The following DLGAP1 variants were observed in gnomAD, a reference collection of about 807,000 sequenced individuals.
DLGAP1 encodes DLG associated protein 1, also known as disks large-associated protein 1.
Under a neutral mutation model 90.8 loss-of-function variants are expected in DLGAP1, and 11 were observed. That is an observed-to-expected ratio of 0.12 (90% CI 0.08 to 0.20). The LOEUF (loss-of-function observed/expected upper bound fraction) is 0.20. Among genes scored for constraint, DLGAP1 ranks in the 10% least tolerant of loss-of-function variants. DLGAP1 has a pLI of 1.00. For missense variants in DLGAP1, 1,050 were observed against 1,333.8 expected (o/e 0.79, Z 3.31); for synonymous variants, 558 against 540.7 (o/e 1.03, Z -0.44).
At chr18:3,917,153 G>A (rs1253590447) in intron 3 of DLGAP1, among the ~76,000 whole-genome samples, 1 of 152,164 alleles carries the variant, frequency 6.6e-6, no homozygotes, top group Non-Finnish European at 1.5e-5. Flanking sequence ...GCTAAGCTAC[G>A]GTGTTTGGTA....
intron 7 of DLGAP1, chr18:3,594,506 G>T (rs895642669): frequency 6.6e-6 from 1 of 152,148 alleles, no homozygotes; most frequent in Non-Finnish European, 1.5e-5. Flanking sequence ...TTTGGAAGGG[G>T]TGGAGGTCTT....
chr18:3,724,536 G>A (rs528926975), intron 7 of DLGAP1, among the ~76,000 whole-genome samples: 49 of 152,198 alleles, frequency 3.2e-4, no homozygotes, highest in African/African-American at 1.2e-3. Flanking sequence ...TGGAGCCCAG[G>A]AGTTTGAGAC....
chr18:3,897,813 A>C (rs1599129690), intron 3 of DLGAP1, among the ~76,000 whole-genome samples: 1 of 105,678 alleles, frequency 9.5e-6, no homozygotes, highest in South Asian at 3.3e-4. Flanking sequence ...TTTGAGACGG[A>C]GTCTCGCTCT....
chr18:4,437,951 T>C (rs1386854965), intron 1 of DLGAP1, among the ~76,000 whole-genome samples: 1 of 152,218 alleles, frequency 6.6e-6, no homozygotes, highest in Non-Finnish European at 1.5e-5. Context: ...TTGCTTCTTA[T>C]AATCTCTGAA....
chr18:4,167,034 T>C (rs2076944809), intron 1 of DLGAP1, among the ~76,000 whole-genome samples: 4 of 152,316 alleles, frequency 2.6e-5, no homozygotes, highest in South Asian at 2.1e-4. Context: ...CCTTACATTA[T>C]GTATATTTTA....
At chr18:4,346,050 G>A (rs2081297829) in intron 1 of DLGAP1, among the ~76,000 whole-genome samples, 3 of 152,160 alleles carry the variant, frequency 2.0e-5, no homozygotes, top group Admixed American at 2.0e-4. Context: ...CACTCACGAT[G>A]TGCTGAAATG....
intron 3 of DLGAP1, among the ~76,000 whole-genome samples, chr18:3,940,805 CTT>C (rs1054845092): frequency 1.3e-5 from 2 of 152,158 alleles, no homozygotes; most frequent in Non-Finnish European, 2.9e-5. Context: ...ACTTTGAAAC[CTT>C]TTCTCTTTCC....
intron 1 of DLGAP1, among the ~76,000 whole-genome samples, chr18:4,295,840 T>C (rs900794047): frequency 6.6e-6 from 1 of 152,254 alleles, no homozygotes; most frequent in African/African-American, 2.4e-5. Flanking sequence ...TATCATCTTA[T>C]TGTTTCCTGA....
At chr18:4,318,943 T>C (rs1487940791) in intron 1 of DLGAP1, among the ~76,000 whole-genome samples, 1 of 152,232 alleles carries the variant, frequency 6.6e-6, no homozygotes, top group Non-Finnish European at 1.5e-5. Context: ...AAGGTGACTA[T>C]GGTTCATAAC....
chr18:3,874,495 C>A, intron 4 of DLGAP1: 1 of 1,443,178 alleles, frequency 6.9e-7, no homozygotes, highest in South Asian at 1.5e-5. Flanking sequence ...CATAAAGAGG[C>A]ATAAACAGAA....
chr18:3,782,238 GC>G (rs1378752596), intron 5 of DLGAP1, among the ~76,000 whole-genome samples: 1 of 151,840 alleles, frequency 6.6e-6, no homozygotes, highest in Non-Finnish European at 1.5e-5. Flanking sequence ...CTGGGTTCAA[GC>G]AATTCTCCTG....
chr18:3,849,852 C>T (rs2069234541), intron 4 of DLGAP1, among the ~76,000 whole-genome samples: 1 of 152,146 alleles, frequency 6.6e-6, no homozygotes, highest in South Asian at 2.1e-4. Context: ...AATGACAGAG[C>T]TCTTAAATTG....
intron 1 of DLGAP1, among the ~76,000 whole-genome samples, chr18:4,361,310 C>T (rs1365628627): frequency 6.6e-6 from 1 of 151,950 alleles, no homozygotes; most frequent in Non-Finnish European, 1.5e-5. Flanking sequence ...AAAACAGTAC[C>T]TAAAAAGAAG....
chr18:4,110,161 C>T (rs1057137676), intron 2 of DLGAP1, among the ~76,000 whole-genome samples: 1 of 152,168 alleles, frequency 6.6e-6, no homozygotes, highest in Non-Finnish European at 1.5e-5. Flanking sequence ...CTACTAAACA[C>T]CTAGACTATA....
chr18:3,611,960 A>G (rs1342393514), intron 7 of DLGAP1, among the ~76,000 whole-genome samples: 1 of 152,242 alleles, frequency 6.6e-6, no homozygotes, highest in Non-Finnish European at 1.5e-5. Context: ...CTAGCTTACC[A>G]TGGTAACAAG....
intron 2 of DLGAP1, among the ~76,000 whole-genome samples, chr18:4,115,503 T>A (rs932617091): frequency 2.6e-5 from 4 of 152,000 alleles, no homozygotes; most frequent in Non-Finnish European, 5.9e-5. Flanking sequence ...TCTTTTTTTT[T>A]GAGACGGAGT....
At chr18:4,367,407 C>T (rs2081799978) in intron 1 of DLGAP1, among the ~76,000 whole-genome samples, 2 of 151,888 alleles carry the variant, frequency 1.3e-5, no homozygotes, top group South Asian at 4.2e-4. Context: ...CTCCATCTTA[C>T]CAAGTAAGTT....
At chr18:3,728,758 G>C (rs897732765) in intron 7 of DLGAP1, among the ~76,000 whole-genome samples, 1 of 152,140 alleles carries the variant, frequency 6.6e-6, no homozygotes, top group Admixed American at 6.5e-5. Context: ...CATAAGCAGG[G>C]TGTCTGGTCA....
Position 3,824,767 on chromosome 18 carries a change from G to C in DLGAP1, c.958-10494C>G, listed in dbSNP as rs1441954213. On this transcript the variant is annotated intron_variant, in intron 4 of 12. Coordinates refer to ENST00000315677, the MANE Select transcript of DLGAP1 (RefSeq NM_004746.4). ...CTGATTCCCACTGCATCTTGGGGCTGTTTGGACTTTTTATTCCAAGCTACA... is the reference window on the plus strand; with the variant it reads ...CTGATTCCCACTGCATCTTGGGGCTCTTTGGACTTTTTATTCCAAGCTACA... 3.3e-5 allele frequency among the ~76,000 whole-genome samples: 5 copies of C among 152,190 alleles called. No homozygotes were observed. In the East Asian group the frequency reaches 9.6e-4, roughly 29 times the overall value.
Sources: allele counts gnomAD v4.1 joint callset (sites outside exome capture counted in the v4.1 genomes callset), GRCh38; gene constraint gnomAD v4.1.1; transcripts MANE v1.5; gene names NCBI Gene and HGNC (gene_info 2026-07-23, HGNC 2026-07-21).